KIAA1328: variants seen among roughly 807,000 people sequenced by gnomAD.
KIAA1328 encodes the protein KIAA1328.
A neutral mutation model predicts 68.1 loss-of-function variants in KIAA1328; 52 were observed. The ratio of observed to expected loss-of-function variants is 0.76; its 90% confidence interval spans 0.61 to 0.96. KIAA1328 has a LOEUF of 0.96. Among genes scored for constraint, KIAA1328 ranks in the 40% least tolerant of loss-of-function variants. KIAA1328 has a pLI of 0.00. For synonymous variants in KIAA1328, 232 were observed against 239.4 expected, an observed-to-expected ratio of 0.97 and a Z score of 0.28; for missense variants, 641 against 677.6, an observed-to-expected ratio of 0.95 and a Z score of 0.60.
chr18:36,840,323 T>C (rs2046817018), intron 3 of KIAA1328, among the ~76,000 whole-genome samples: 1 of 152,202 alleles, frequency 6.6e-6, no homozygotes, highest in Admixed American at 6.5e-5. Flanking sequence ...ATCTGGTCCC[T>C]GTTACTCCAT....
intron 6 of KIAA1328, among the ~76,000 whole-genome samples, chr18:37,064,366 A>G (rs1279843411): frequency 6.6e-6 from 1 of 152,128 alleles, no homozygotes; most frequent in Non-Finnish European, 1.5e-5. Flanking sequence ...CTTTTTACCC[A>G]TCAGTCCATC....
At chr18:36,962,217 A>T (rs757341207) in intron 6 of KIAA1328, among the ~76,000 whole-genome samples, 3 of 152,228 alleles carry the variant, frequency 2.0e-5, no homozygotes, top group Non-Finnish European at 4.4e-5. Context: ...ATCAAAAGAG[A>T]CAAGGAAAGC....
intron 6 of KIAA1328, among the ~76,000 whole-genome samples, chr18:37,035,618 C>T (rs1217570979): frequency 1.3e-5 from 2 of 152,128 alleles, no homozygotes; most frequent in Non-Finnish European, 2.9e-5. Context: ...AGAAGAGTCT[C>T]CAAGATAGAA....
intron 4 of KIAA1328, among the ~76,000 whole-genome samples, chr18:36,845,599 A>T (rs548032820): frequency 1.3e-5 from 2 of 151,910 alleles, no homozygotes; most frequent in African/African-American, 4.8e-5. Flanking sequence ...CAACTCATAT[A>T]CAGAATATAT....
intron 6 of KIAA1328, among the ~76,000 whole-genome samples, chr18:36,985,695 G>A (rs2052891943): frequency 1.3e-5 from 2 of 151,978 alleles, no homozygotes; most frequent in Non-Finnish European, 2.9e-5. Context: ...ATATACCCCG[G>A]TAAACACAAA....
At chr18:37,090,543 A>G (rs1397770385) in intron 7 of KIAA1328, among the ~76,000 whole-genome samples, 2 of 152,194 alleles carry the variant, frequency 1.3e-5, no homozygotes, top group Non-Finnish European at 2.9e-5. Flanking sequence ...AATAGACATT[A>G]AATTCATTGT....
At chr18:37,061,603 T>G (rs1347012184) in intron 6 of KIAA1328, among the ~76,000 whole-genome samples, 4 of 152,180 alleles carry the variant, frequency 2.6e-5, no homozygotes, top group African/African-American at 9.7e-5. Context: ...TAAGCCTTAG[T>G]TAAGAGAAGT....
At chr18:37,074,765 G>C (rs548497787) in intron 7 of KIAA1328, 125 of 164,092 alleles carry the variant, frequency 7.6e-4, no homozygotes, top group Admixed American at 6.3e-3. Context: ...AGAGTAGTTT[G>C]ATCATCTGAA....
chr18:37,198,100 A>G (rs2060037559), intron 9 of KIAA1328, among the ~76,000 whole-genome samples: 1 of 152,170 alleles, frequency 6.6e-6, no homozygotes, highest in African/African-American at 2.4e-5. Flanking sequence ...CATATAGTAT[A>G]TGATTTTATT....
chr18:36,832,414 C>T (rs151109097), intron 1 of KIAA1328, among the ~76,000 whole-genome samples: 13 of 151,532 alleles, frequency 8.6e-5, no homozygotes, highest in Middle Eastern at 3.4e-3. Context: ...ATGAAACGGC[C>T]GTCTCTACTA....
intron 6 of KIAA1328, among the ~76,000 whole-genome samples, chr18:37,024,777 T>C (rs570007788): frequency 6.6e-6 from 1 of 152,324 alleles, no homozygotes; most frequent in South Asian, 2.1e-4. Context: ...CAGTCTATCA[T>C]TGTTGGACAT....
intron 6 of KIAA1328, among the ~76,000 whole-genome samples, chr18:37,043,291 A>G (rs979333208): frequency 4.6e-5 from 7 of 152,088 alleles, no homozygotes; most frequent in Non-Finnish European, 7.4e-5. Flanking sequence ...CCCCCCAAGT[A>G]TGGGTCACTC....
chr18:36,879,888 C>G (rs2048271771), intron 4 of KIAA1328, among the ~76,000 whole-genome samples: 1 of 152,162 alleles, frequency 6.6e-6, no homozygotes, highest in African/African-American at 2.4e-5. Flanking sequence ...CCTCACCAAG[C>G]TGGAGAGTCC....
intron 9 of KIAA1328, among the ~76,000 whole-genome samples, chr18:37,178,367 C>T (rs1399358308): frequency 6.6e-6 from 1 of 152,148 alleles, no homozygotes; most frequent in Non-Finnish European, 1.5e-5. Context: ...GCTTATTTCA[C>T]TTGACATAAT....
chr18:36,987,522 A>T (rs1005172429), intron 6 of KIAA1328, among the ~76,000 whole-genome samples: 6 of 151,514 alleles, frequency 4.0e-5, no homozygotes, highest in African/African-American at 1.5e-4. Context: ...ATAAAAAAAT[A>T]AAAATTTAGG....
At chr18:36,932,208 A>G (rs1158018163) in intron 5 of KIAA1328, among the ~76,000 whole-genome samples, 2 of 152,134 alleles carry the variant, frequency 1.3e-5, no homozygotes, top group South Asian at 2.1e-4. Flanking sequence ...TTCAAATGAA[A>G]AAGTTTGAGA....
At chr18:37,005,657 T>C (rs1426937114) in intron 6 of KIAA1328, among the ~76,000 whole-genome samples, 1 of 152,124 alleles carries the variant, frequency 6.6e-6, no homozygotes, top group Non-Finnish European at 1.5e-5. Context: ...TGTTCCCATG[T>C]TAATTATATC....
At chr18:36,851,281 T>C (rs1317599647) in intron 4 of KIAA1328, among the ~76,000 whole-genome samples, 1 of 152,220 alleles carries the variant, frequency 6.6e-6, no homozygotes, top group Non-Finnish European at 1.5e-5. Context: ...TTTCTCATAG[T>C]GTCTTTATCT....
At chr18:37,163,355 G>A (rs538565096) in intron 8 of KIAA1328, among the ~76,000 whole-genome samples, 7 of 152,204 alleles carry the variant, frequency 4.6e-5, no homozygotes, top group African/African-American at 1.2e-4. Context: ...GACTTTGGCC[G>A]CTCCCTTCCT....
Sources: allele counts gnomAD v4.1 joint callset (sites outside exome capture counted in the v4.1 genomes callset), GRCh38; gene constraint gnomAD v4.1.1; transcripts MANE v1.5; gene names NCBI Gene and HGNC (gene_info 2026-07-23, HGNC 2026-07-21).